Variants in STXBP5L observed in about 807,000 individuals in gnomAD.
The protein encoded by STXBP5L is syntaxin binding protein 5L, also known as syntaxin-binding protein 5-like.
Under a neutral mutation model 144.5 loss-of-function variants are expected in STXBP5L, and 65 were observed. The observed-to-expected ratio is 0.45, with a 90% CI of 0.37 to 0.55. The LOEUF (loss-of-function observed/expected upper bound fraction) is 0.55, where lower values mean the gene tolerates loss of function less well. Among genes scored for constraint, STXBP5L ranks in the 20% least tolerant of loss-of-function variants. STXBP5L has a pLI of 0.00. For missense variants in STXBP5L, 1,298 were observed against 1,405.5 expected, an observed-to-expected ratio of 0.92 and a Z score of 1.22; for synonymous variants, 505 against 469.6, an observed-to-expected ratio of 1.08 and a Z score of -0.97.
chr3:121,185,259 C>G (rs1437999464), intron 9 of STXBP5L, among the ~76,000 whole-genome samples: 24 of 152,212 alleles, frequency 1.6e-4, no homozygotes, highest in Non-Finnish European at 2.9e-5. Context: ...CCTGTTCACT[C>G]TGATGGTAGT....
chr3:121,165,380 A>G (rs960508476), intron 9 of STXBP5L, among the ~76,000 whole-genome samples: 6 of 152,122 alleles, frequency 3.9e-5, no homozygotes, highest in South Asian at 2.1e-4. Context: ...ATATTATACA[A>G]TGTTTGCCAG....
chr3:121,196,682 A>T lies in STXBP5L; in HGVS notation c.878-9241A>T, dbSNP rs548755710. ...TTTGTTTTCTTTTTTCCTTGTTTTG[A>T]GACAGGGTCCCATTCTGTCACGCAG... is the stretch of plus-strand genomic sequence containing the variant. On this transcript the variant is annotated intron_variant, in intron 9 of 26. Transcript: ENST00000471454. Among the ~76,000 whole-genome samples the T allele has an allele frequency of 1.3e-4, 19 of 150,994 alleles. No homozygotes were observed. In the East Asian group the frequency reaches 1.6e-3, roughly 13 times the overall value.
intron 11 of STXBP5L, among the ~76,000 whole-genome samples, chr3:121,228,058 A>G (rs763792606): frequency 2.0e-5 from 3 of 152,224 alleles, no homozygotes; most frequent in Non-Finnish European, 4.4e-5. Context: ...GATGTTAAAA[A>G]TTTCAAAAAC....
intron 5 of STXBP5L, among the ~76,000 whole-genome samples, chr3:121,087,164 G>T (rs949022457): frequency 1.4e-4 from 21 of 152,128 alleles, no homozygotes; most frequent in African/African-American, 4.8e-4. Context: ...TTTTGCTGTT[G>T]TTGACAGATT....
intron 3 of STXBP5L, among the ~76,000 whole-genome samples, chr3:120,973,650 G>A (rs924223005): frequency 4.0e-5 from 6 of 151,842 alleles, no homozygotes; most frequent in South Asian, 2.1e-4. Context: ...CCATTAACTT[G>A]TCATTTAGCA....
intron 5 of STXBP5L, among the ~76,000 whole-genome samples, chr3:121,101,134 A>G (rs1042645254): frequency 2.6e-5 from 4 of 152,114 alleles, no homozygotes; most frequent in Admixed American, 2.6e-4. Context: ...TCCAGACAAG[A>G]TGGAGTCACA....
intron 5 of STXBP5L, among the ~76,000 whole-genome samples, chr3:121,096,091 G>T (rs987573870): frequency 2.7e-5 from 4 of 150,492 alleles, no homozygotes; most frequent in Non-Finnish European, 5.9e-5. Flanking sequence ...TTGCTTGGTG[G>T]GCTGTACCCA....
At chr3:121,005,008 TTC>T (rs1944153864) in intron 3 of STXBP5L, among the ~76,000 whole-genome samples, 1 of 152,214 alleles carries the variant, frequency 6.6e-6, no homozygotes, top group East Asian at 1.9e-4. Flanking sequence ...TGGTCTAAAA[TTC>T]TCTTTTTTGG....
At chr3:121,243,556 A>G (rs1423659482) in intron 14 of STXBP5L, among the ~76,000 whole-genome samples, 1 of 151,934 alleles carries the variant, frequency 6.6e-6, no homozygotes, top group Non-Finnish European at 1.5e-5. Context: ...AAAAAAAAAA[A>G]GTCCAGTAAC....
rs1313419805 is a variant in STXBP5L at position 121,314,157 on chromosome 3, T to C, written c.2111-4318T>C. On this transcript the variant is annotated intron_variant, in intron 19 of 26. Transcript: ENST00000471454. The stretch of plus-strand genomic sequence containing the variant: ...GGCTCCTCATATCCCAGACGATGGG[T>C]GGCCAAGCAGAGACGCTCCTCACTT... 4.4e-5 allele frequency among the ~76,000 whole-genome samples: 5 copies of C among 112,604 alleles called. No individual in the cohort carries two copies. In the East Asian group the frequency reaches 9.9e-4, roughly 22 times the overall value. The allele number at this position is 112,604 out of a possible 152,430, so 73.9% of individuals were successfully genotyped here.
intron 3 of STXBP5L, among the ~76,000 whole-genome samples, chr3:120,995,697 A>G (rs1345151602): frequency 2.0e-5 from 3 of 152,164 alleles, no homozygotes; most frequent in South Asian, 4.1e-4. Flanking sequence ...TTACCCTAGA[A>G]TAATATAATT....
At chr3:120,959,819 C>T (rs1404841371) in intron 3 of STXBP5L, among the ~76,000 whole-genome samples, 2 of 152,132 alleles carry the variant, frequency 1.3e-5, no homozygotes, top group Non-Finnish European at 2.9e-5. Context: ...AAAACCTAGG[C>T]AATACCATTC....
chr3:121,266,042 C>T (rs1375487051), intron 18 of STXBP5L, among the ~76,000 whole-genome samples: 1 of 152,064 alleles, frequency 6.6e-6, no homozygotes, highest in Non-Finnish European at 1.5e-5. Flanking sequence ...CGAATTCTAC[C>T]AGAGGTACAA....
chr3:121,062,605 C>A (rs1008529765), intron 5 of STXBP5L, among the ~76,000 whole-genome samples: 3 of 152,180 alleles, frequency 2.0e-5, no homozygotes, highest in Non-Finnish European at 4.4e-5. Context: ...AGAGTGTTTT[C>A]CAACTTTCTT....
intron 11 of STXBP5L, among the ~76,000 whole-genome samples, chr3:121,230,640 A>C (rs569767076): frequency 2.0e-5 from 3 of 152,124 alleles, no homozygotes; most frequent in Admixed American, 6.6e-5. Context: ...ATGAATACTC[A>C]TCTATTTATA....
chr3:121,383,626 C>T (rs2046365736), intron 22 of STXBP5L, among the ~76,000 whole-genome samples: 1 of 152,012 alleles, frequency 6.6e-6, no homozygotes, highest in Admixed American at 6.6e-5. Flanking sequence ...CTGTAATTAA[C>T]CATTACAAGA....
intron 9 of STXBP5L, among the ~76,000 whole-genome samples, chr3:121,167,617 T>C (rs1484164845): frequency 6.6e-6 from 1 of 152,080 alleles, no homozygotes; most frequent in East Asian, 1.9e-4. Context: ...GTAGCCAGAC[T>C]GCCTCTCCAG....
intron 4 of STXBP5L, among the ~76,000 whole-genome samples, chr3:121,043,900 C>T (rs1231372686): frequency 1.3e-5 from 2 of 152,040 alleles, no homozygotes; most frequent in Non-Finnish European, 2.9e-5. Flanking sequence ...CTATCCTCAC[C>T]CCATCTCAGG....
chr3:121,413,397 AAAT>A, intron 24 of STXBP5L, 74 bp downstream of exon 24: 1 of 1,321,404 alleles, frequency 7.6e-7, no homozygotes. Context: ...CTAAAAACAA[AAAT>A]ATTATTAGGT....
Sources: gnomAD v4.1 joint callset for allele counts (sites outside exome capture counted in the v4.1 genomes callset) on GRCh38, gnomAD v4.1.1 for gene constraint, MANE v1.5 for transcripts, NCBI Gene and HGNC (gene_info 2026-07-23, HGNC 2026-07-21) for gene names.